The following EDA variants were observed in gnomAD, a reference collection of about 807,000 sequenced individuals.
The protein encoded by EDA is ectodysplasin A, also known as ectodysplasin-A.
A neutral mutation model predicts 23.6 loss-of-function variants in EDA; 2 were observed. The ratio of observed to expected loss-of-function variants is 0.08; its 90% CI spans 0.03 to 0.27. The LOEUF is 0.27. Ranked by LOEUF, EDA falls within the 10% of genes least tolerant of loss-of-function variation. The pLI, the probability that EDA is intolerant of heterozygous loss-of-function variation, is 1.00. For missense variants in EDA, 229 were observed against 324.2 expected, an observed-to-expected ratio of 0.71 and a Z score of 2.26; for synonymous variants, 131 against 132.0, an observed-to-expected ratio of 0.99 and a Z score of 0.05.
chrX:69,981,610 A>G (rs2019409147), intron 2 of EDA, among the ~76,000 whole-genome samples: 1 of 111,838 alleles, frequency 8.9e-6, no homozygotes, highest in Non-Finnish European at 1.9e-5. Flanking sequence ...TGGGAGAAAC[A>G]TTAGTTGAAT....
At chrX:69,793,120 A>G (rs1185411170) in intron 1 of EDA, among the ~76,000 whole-genome samples, 1 of 112,152 alleles carries the variant, frequency 8.9e-6, no homozygotes, top group East Asian at 2.8e-4. Flanking sequence ...TAAGTCTTTT[A>G]TCCATCTTGA....
intron 1 of EDA, among the ~76,000 whole-genome samples, chrX:69,627,052 T>C (rs1401756066): frequency 9.0e-6 from 1 of 111,391 alleles, no homozygotes; most frequent in Non-Finnish European, 1.9e-5. Context: ...AATTAGAAGC[T>C]TCAAGGATGG....
chrX:69,619,901 A>G (rs1056308158), intron 1 of EDA, among the ~76,000 whole-genome samples: 3 of 111,808 alleles, frequency 2.7e-5, no homozygotes, highest in African/African-American at 9.8e-5. Flanking sequence ...TATTTTTTCC[A>G]TGTACAAGAT....
intron 2 of EDA, among the ~76,000 whole-genome samples, chrX:69,964,317 T>G (rs1267103061): frequency 9.0e-6 from 1 of 111,059 alleles, no homozygotes; most frequent in East Asian, 2.8e-4. Flanking sequence ...GAAGCATGCA[T>G]ACTCCTGGGA....
intron 1 of EDA, among the ~76,000 whole-genome samples, chrX:69,720,658 A>C (rs2012546088): frequency 8.9e-6 from 1 of 111,914 alleles, no homozygotes; most frequent in African/African-American, 3.2e-5. Context: ...CAGCAATCTT[A>C]TTTTAAAAGT....
At chrX:69,749,053 G>C (rs1417563179) in intron 1 of EDA, among the ~76,000 whole-genome samples, 2 of 92,566 alleles carry the variant, frequency 2.2e-5, no homozygotes, top group African/African-American at 7.9e-5. Flanking sequence ...TCGTCATCTA[G>C]CATTAGGTAT....
intron 1 of EDA, among the ~76,000 whole-genome samples, chrX:69,826,331 T>C (rs1296287184): frequency 4.6e-5 from 5 of 109,829 alleles, no homozygotes; most frequent in Non-Finnish European, 9.5e-5. Flanking sequence ...TGTGTGGGAG[T>C]CTAAGTCTCT....
chrX:69,843,423 C>T (rs1184818126), intron 1 of EDA, among the ~76,000 whole-genome samples: 1 of 111,885 alleles, frequency 8.9e-6, no homozygotes, highest in Non-Finnish European at 1.9e-5. Context: ...ATGGTACTGA[C>T]ATAAATGAAG....
chrX:69,746,519 A>AT (rs1174011445), intron 1 of EDA, among the ~76,000 whole-genome samples: 1 of 110,660 alleles, frequency 9.0e-6, no homozygotes, highest in Non-Finnish European at 1.9e-5. Context: ...TTATTCTCTG[A>AT]TTTTTTTTAG....
chrX:69,854,347 C>T (rs2017200181), intron 1 of EDA, among the ~76,000 whole-genome samples: 1 of 111,001 alleles, frequency 9.0e-6, no homozygotes, highest in Admixed American at 9.6e-5. Context: ...GCACCTGCCA[C>T]CATGCCCAGC....
At chrX:69,664,436 A>G (rs1447300429) in intron 1 of EDA, among the ~76,000 whole-genome samples, 2 of 111,772 alleles carry the variant, frequency 1.8e-5, no homozygotes, top group Admixed American at 9.5e-5. Flanking sequence ...GCCTTCCACC[A>G]TGATTGTGAG....
chrX:69,737,495 A>G lies in EDA; in HGVS notation c.396+120791A>G, dbSNP rs140548082. ...CATGTAGTGTAAGAACCACACAACAACACACTTTGATTTTGTCTCTCTCAT... is the reference window on the plus strand; with the variant it reads ...CATGTAGTGTAAGAACCACACAACAGCACACTTTGATTTTGTCTCTCTCAT... On this transcript the variant is annotated intron_variant, in intron 1 of 7. Transcript: ENST00000374552. Among the ~76,000 whole-genome samples, 96 of 112,117 alleles carry G rather than the reference A, an allele frequency of 8.6e-4. No homozygotes were observed. The East Asian group carries it at 0.024, about 28-fold the overall frequency.
At chrX:69,860,799 T>C (rs777119536) in intron 1 of EDA, 3 of 516,789 alleles carry the variant, frequency 5.8e-6, no homozygotes, top group Non-Finnish European at 1.0e-5. Context: ...GAAATTCTCA[T>C]GGATGATATC....
chrX:69,937,122 A>C lies in EDA; in HGVS notation c.397-19905A>C. The C allele has an allele frequency of 3.4e-6, 3 of 894,384 alleles. No homozygotes were observed. In the Admixed American group the frequency reaches 6.8e-5, roughly 20 times the overall value. 73.7% of individuals were successfully genotyped at this position (894,384 alleles called of 1,213,427 possible). On this transcript the variant is annotated intron_variant, in intron 1 of 7. Coordinates refer to ENST00000374552, the MANE Select transcript of EDA (RefSeq NM_001399.5). The stretch of plus-strand genomic sequence containing the variant: ...AAAACCTATATACAAGCATGTGTGT[A>C]GCTCAAAATAAAATAAAAATAAAAG...
At chrX:69,778,483 A>T (rs2014850101) in intron 1 of EDA, among the ~76,000 whole-genome samples, 1 of 111,772 alleles carries the variant, frequency 8.9e-6, no homozygotes, top group Non-Finnish European at 1.9e-5. Context: ...TCCATAAGCT[A>T]TTTGGACAGT....
intron 1 of EDA, among the ~76,000 whole-genome samples, chrX:69,729,711 A>G (rs946240320): frequency 1.9e-4 from 21 of 111,641 alleles, no homozygotes; most frequent in Non-Finnish European, 3.8e-4. Context: ...CTCTGACCAC[A>G]TTTTCTACCA....
intron 1 of EDA, among the ~76,000 whole-genome samples, chrX:69,873,972 A>ATC (rs758430166): frequency 1.7e-3 from 191 of 112,322 alleles, no homozygotes; most frequent in African/African-American, 5.7e-3. Context: ...AAGATAATCC[A>ATC]TCATGCTCAA....
At chrX:70,003,283 A>G (rs932515634) in intron 2 of EDA, among the ~76,000 whole-genome samples, 1 of 111,701 alleles carries the variant, frequency 9.0e-6, no homozygotes, top group South Asian at 3.8e-4. Flanking sequence ...GAATATAGCC[A>G]TTTGAGTCCC....
chrX:69,976,088 A>G (rs758648955), intron 2 of EDA, among the ~76,000 whole-genome samples: 113 of 111,404 alleles, frequency 1.0e-3, no homozygotes, highest in South Asian at 2.3e-3. Flanking sequence ...GGCTTCTGAA[A>G]CCTTAATTGA....
Sources: allele counts gnomAD v4.1 joint callset (sites outside exome capture counted in the v4.1 genomes callset), GRCh38; gene constraint gnomAD v4.1.1; transcripts MANE v1.5; gene names NCBI Gene and HGNC (gene_info 2026-07-23, HGNC 2026-07-21).